Variants in TBC1D14 observed in about 807,000 individuals in gnomAD.
TBC1D14 encodes the protein TBC1 domain family member 14, also known as TBC1 domain family, member 14.
TBC1D14 carries 26 observed loss-of-function variants against 79.0 expected under a neutral mutation model. That is an observed-to-expected ratio of 0.33 (90% CI 0.24 to 0.46). The LOEUF (loss-of-function observed/expected upper bound fraction) is 0.46, where lower values mean the gene tolerates loss of function less well. TBC1D14 is among the 20% of genes least tolerant of loss of function. The probability of loss-of-function intolerance (pLI) is 1.00; values close to 1 mark genes in which losing one functional copy is unlikely to be tolerated. For synonymous variants in TBC1D14, 394 were observed against 349.9 expected, an observed-to-expected ratio of 1.13 and a Z score of -1.40; for missense variants, 769 against 887.6, an observed-to-expected ratio of 0.87 and a Z score of 1.70.
At chr4:6,969,358 A>C (rs986974700) in intron 3 of TBC1D14, among the ~76,000 whole-genome samples, 9 of 152,020 alleles carry the variant, frequency 5.9e-5, no homozygotes, top group African/African-American at 2.2e-4. Flanking sequence ...CATGGCACTT[A>C]ATATCACTTA....
At chr4:7,026,093 G>T (rs112783702) in intron 13 of TBC1D14, among the ~76,000 whole-genome samples, 1 of 151,668 alleles carries the variant, frequency 6.6e-6, no homozygotes, top group Non-Finnish European at 1.5e-5. Flanking sequence ...TGCAGCCCCC[G>T]CCTCCCAGGC....
chr4:7,004,136 G>A (rs909699067), intron 7 of TBC1D14, among the ~76,000 whole-genome samples: 6 of 152,198 alleles, frequency 3.9e-5, no homozygotes, highest in East Asian at 1.9e-4. Flanking sequence ...AATGGGGCAC[G>A]GATATACCTG....
chr4:6,956,368 A>G (rs1415182646), intron 2 of TBC1D14, among the ~76,000 whole-genome samples: 2 of 152,208 alleles, frequency 1.3e-5, no homozygotes, highest in Non-Finnish European at 2.9e-5. Context: ...CTATTCCAAG[A>G]GAAGCTGGAA....
intron 7 of TBC1D14, 88 bp from the exon 8 acceptor site, chr4:7,004,756 T>C (rs1225315036): frequency 8.3e-7 from 1 of 1,198,658 alleles, no homozygotes; most frequent in African/African-American, 1.5e-5. Flanking sequence ...TGAACTTAAG[T>C]ATTTGGAGGA....
chr4:7,017,415 A>G (rs1721393387), intron 12 of TBC1D14, among the ~76,000 whole-genome samples: 1 of 152,194 alleles, frequency 6.6e-6, no homozygotes, highest in Non-Finnish European at 1.5e-5. Flanking sequence ...ACCCGGCTCT[A>G]GAGCTGTGCA....
chr4:6,969,469 G>A (rs1043913168), intron 3 of TBC1D14, among the ~76,000 whole-genome samples: 1 of 151,898 alleles, frequency 6.6e-6, no homozygotes, highest in East Asian at 1.9e-4. Flanking sequence ...GCAGTGGTGC[G>A]ATCTTGGCTC....
At chr4:7,022,840 AAAG>A (rs1721964065) in intron 12 of TBC1D14, among the ~76,000 whole-genome samples, 1 of 152,018 alleles carries the variant, frequency 6.6e-6, no homozygotes. Context: ...TAAATAAAAA[AAAG>A]AACAAACTTT....
intron 2 of TBC1D14, among the ~76,000 whole-genome samples, chr4:6,966,388 A>G (rs1577095613): frequency 6.6e-6 from 1 of 152,078 alleles, no homozygotes; most frequent in African/African-American, 2.4e-5. Context: ...GTTATTTGGA[A>G]CTTTTGTTTA....
At position 6,998,733 on chromosome 4, in the gene TBC1D14, T is replaced by G; in HGVS notation, c.1046-352T>G. 7 of 201,888 alleles carry G rather than the reference T, an allele frequency of 3.5e-5. 1 individual carries two copies. In the South Asian group the frequency reaches 5.0e-4, roughly 14 times the overall value. 12.5% of individuals were successfully genotyped at this position (201,888 alleles called of 1,614,324 possible). Reference sequence around the variant, plus strand: ...TTTGTATTTTTAGTAGAGACGGGATTTCACCACTTTGGCCGGGCTGGTCTC... The same window carrying G: ...TTTGTATTTTTAGTAGAGACGGGATGTCACCACTTTGGCCGGGCTGGTCTC... On this transcript the variant is annotated intron_variant, in intron 5 of 13. Coordinates refer to ENST00000409757, the MANE Select transcript of TBC1D14 (RefSeq NM_020773.3).
At chr4:7,005,238 A>G (rs908568433) in intron 8 of TBC1D14, among the ~76,000 whole-genome samples, 1 of 151,980 alleles carries the variant, frequency 6.6e-6, no homozygotes, top group African/African-American at 2.4e-5. Flanking sequence ...TGTCTCTACT[A>G]AAAATACAAA....
At chr4:6,992,788 C>T (rs1356957955) in intron 3 of TBC1D14, among the ~76,000 whole-genome samples, 1 of 152,222 alleles carries the variant, frequency 6.6e-6, no homozygotes, top group Non-Finnish European at 1.5e-5. Context: ...GTACCCCATA[C>T]AGTGTAGATG....
intron 2 of TBC1D14, among the ~76,000 whole-genome samples, chr4:6,961,231 G>A (rs1036946807): frequency 9.2e-5 from 14 of 152,054 alleles, no homozygotes; most frequent in Admixed American, 6.6e-4. Flanking sequence ...TCACATGGCC[G>A]GGTGTGGCCT....
At chr4:6,927,492 C>T (rs1724384850) in intron 2 of TBC1D14, among the ~76,000 whole-genome samples, 1 of 152,192 alleles carries the variant, frequency 6.6e-6, no homozygotes, top group African/African-American at 2.4e-5. Flanking sequence ...GAAGTAGTAG[C>T]TTTCTGTGGT....
At chr4:7,007,521 C>T (rs1720325288) in intron 9 of TBC1D14, 1 of 1,289,092 alleles carries the variant, frequency 7.8e-7, no homozygotes, top group African/African-American at 1.5e-5. Context: ...TGCCTTTACT[C>T]AGGTTCTCAT....
At chr4:6,922,470 C>T (rs937774697) in intron 1 of TBC1D14, among the ~76,000 whole-genome samples, 2 of 152,158 alleles carry the variant, frequency 1.3e-5, no homozygotes, top group African/African-American at 4.8e-5. Context: ...ATCTTAGACC[C>T]GTTTCTTAGT....
chr4:6,914,588 T>C (rs1723247153), intron 1 of TBC1D14, among the ~76,000 whole-genome samples: 3 of 152,124 alleles, frequency 2.0e-5, no homozygotes, highest in African/African-American at 4.8e-5. Context: ...TTCTTTCAGC[T>C]CTTTGGGTGG....
At chr4:7,010,545 G>T in intron 10 of TBC1D14, 108 bp from the exon 11 acceptor site, 1 of 1,381,534 alleles carries the variant, frequency 7.2e-7, no homozygotes, top group Non-Finnish European at 9.8e-7. Flanking sequence ...GGCGGCTCTA[G>T]GGACACTTCT....
intron 2 of TBC1D14, among the ~76,000 whole-genome samples, chr4:6,936,278 A>G (rs1712319505): frequency 6.6e-6 from 1 of 152,170 alleles, no homozygotes. Flanking sequence ...GAGGAGTTTC[A>G]CTGCCCCCAA....
chr4:6,941,342 C>T (rs929029302), intron 2 of TBC1D14, among the ~76,000 whole-genome samples: 3 of 152,034 alleles, frequency 2.0e-5, no homozygotes, highest in African/African-American at 7.3e-5. Flanking sequence ...TCCGCCACCA[C>T]GCCTGGCTAA....
Sources: gnomAD v4.1 joint callset for allele counts (sites outside exome capture counted in the v4.1 genomes callset) on GRCh38, gnomAD v4.1.1 for gene constraint, MANE v1.5 for transcripts, NCBI Gene and HGNC (gene_info 2026-07-23, HGNC 2026-07-21) for gene names.